Variants in STK40 observed in about 807,000 individuals in gnomAD.
The protein encoded by STK40 is serine/threonine-protein kinase 40.
Under a neutral mutation model 47.9 loss-of-function variants are expected in STK40, and 13 were observed. The observed-to-expected ratio is 0.27, with a 90% CI of 0.18 to 0.43. The LOEUF is 0.43. Ranked by LOEUF, STK40 falls within the 20% of genes least tolerant of loss-of-function variation. The pLI is 1.00. For synonymous variants in STK40, 225 were observed against 243.2 expected, an observed-to-expected ratio of 0.93 and a Z score of 0.69; for missense variants, 460 against 595.1, an observed-to-expected ratio of 0.77 and a Z score of 2.36.
chr1:36,380,154 G>A (rs556345426), intron 1 of STK40, among the ~76,000 whole-genome samples: 31 of 152,282 alleles, frequency 2.0e-4, no homozygotes, highest in African/African-American at 7.2e-4. Flanking sequence ...GAGGATATGC[G>A]GGGGCTGCTG....
chr1:36,382,541 A>G (rs1647049029), intron 1 of STK40, among the ~76,000 whole-genome samples: 1 of 152,192 alleles, frequency 6.6e-6, no homozygotes, highest in African/African-American at 2.4e-5. Context: ...TTTTAAAAAT[A>G]GTTCTTTTAA....
At chr1:36,385,525 C>T (rs1410339933) in intron 1 of STK40, among the ~76,000 whole-genome samples, 198 bp downstream of exon 1, 3 of 152,156 alleles carry the variant, frequency 2.0e-5, no homozygotes, top group African/African-American at 7.2e-5. Flanking sequence ...TCCCGGTACC[C>T]GGCGCGAGGC....
At chr1:36,361,582 C>T (rs201599234) in intron 1 of STK40, among the ~76,000 whole-genome samples, 3 of 152,268 alleles carry the variant, frequency 2.0e-5, no homozygotes, top group East Asian at 3.9e-4. Context: ...GGTACAGAGG[C>T]GGGGAGCCAA....
intron 1 of STK40, among the ~76,000 whole-genome samples, chr1:36,368,992 T>C (rs1000289634): frequency 6.6e-6 from 1 of 152,120 alleles, no homozygotes; most frequent in Non-Finnish European, 1.5e-5. Flanking sequence ...CTCGAATAGC[T>C]CCCAAGACCT....
At chr1:36,364,650 T>C (rs1557517631) in intron 1 of STK40, among the ~76,000 whole-genome samples, 1 of 151,974 alleles carries the variant, frequency 6.6e-6, no homozygotes, top group Non-Finnish European at 1.5e-5. Context: ...TTTTTTTTAA[T>C]TAAAAAAATA....
At chr1:36,359,243 C>T (rs753239169) in intron 2 of STK40, among the ~76,000 whole-genome samples, 4 of 151,820 alleles carry the variant, frequency 2.6e-5, no homozygotes, top group Non-Finnish European at 4.4e-5. Context: ...TTCTTCTCTA[C>T]AAAAAATAAA....
intron 7 of STK40, among the ~76,000 whole-genome samples, chr1:36,345,991 A>ATATATATATATTTTTTTT: frequency 1.1e-4 from 3 of 26,464 alleles, no homozygotes; most frequent in Admixed American, 6.5e-4. Context: ...ATATATATAT[A>ATATATATATATTTTTTTT]TTTTTTTTTT....
intron 10 of STK40, 91 bp downstream of exon 10, chr1:36,343,273 G>C (rs774612691): frequency 1.3e-5 from 18 of 1,361,532 alleles, no homozygotes; most frequent in Non-Finnish European, 1.6e-5. Context: ...TGTGGCCTGC[G>C]GGTAGCTGCC....
At chr1:36,342,270 G>A (rs1434042620) in intron 10 of STK40, 2 of 424,082 alleles carry the variant, frequency 4.7e-6, no homozygotes, top group African/African-American at 4.0e-5. Flanking sequence ...AGCCTTAGCT[G>A]TCTGGCCCCT....
chr1:36,363,846 G>A (rs1314640397), intron 1 of STK40, among the ~76,000 whole-genome samples: 3 of 144,276 alleles, frequency 2.1e-5, no homozygotes, highest in Non-Finnish European at 4.5e-5. Context: ...TAATAGTCAC[G>A]CACATACAAG....
intron 2 of STK40, among the ~76,000 whole-genome samples, chr1:36,359,510 AC>A (rs1646833697): frequency 6.6e-6 from 1 of 152,242 alleles, no homozygotes; most frequent in Non-Finnish European, 1.5e-5. Context: ...AGATTCTGAT[AC>A]AGCCATCTGG....
At chr1:36,361,486 G>A (rs946374102) in intron 1 of STK40, 146 bp from the exon 2 acceptor site, 1 of 1,415,200 alleles carries the variant, frequency 7.1e-7, no homozygotes, top group African/African-American at 1.4e-5. Context: ...GAGCATCCAA[G>A]GCTCCAAGTG....
At chr1:36,344,620 GCTC>G (rs1646684474) in intron 7 of STK40, among the ~76,000 whole-genome samples, 1 of 152,150 alleles carries the variant, frequency 6.6e-6, no homozygotes, top group Non-Finnish European at 1.5e-5. Context: ...TGAGCTGGCC[GCTC>G]CTCCTGTCAC....
intron 4 of STK40, among the ~76,000 whole-genome samples, chr1:36,357,362 C>T (rs1224410152): frequency 2.0e-5 from 3 of 152,196 alleles, no homozygotes; most frequent in South Asian, 4.1e-4. Flanking sequence ...GGCCAGCAAA[C>T]GGCTGAGGGC....
At chr1:36,343,171 A>AC in intron 10 of STK40, 193 bp downstream of exon 10, 1 of 728,990 alleles carries the variant, frequency 1.4e-6, no homozygotes, top group East Asian at 2.7e-5. Flanking sequence ...CTCCAGCTAC[A>AC]CCAAGCCCAA....
intron 7 of STK40, among the ~76,000 whole-genome samples, chr1:36,345,991 A>ATCTTTTTTTTTTTT: frequency 3.8e-5 from 1 of 26,468 alleles, no homozygotes; most frequent in Non-Finnish European, 6.9e-5. Context: ...ATATATATAT[A>ATCTTTTTTTTTTTT]TTTTTTTTTT....
chr1:36,374,574 C>G (rs545300638), intron 1 of STK40, among the ~76,000 whole-genome samples: 2 of 152,340 alleles, frequency 1.3e-5, no homozygotes, highest in East Asian at 3.9e-4. Flanking sequence ...CCGGAAGCAG[C>G]TGATGTGACA....
At chr1:36,362,132 G>A (rs1038247412) in intron 1 of STK40, among the ~76,000 whole-genome samples, 4 of 152,160 alleles carry the variant, frequency 2.6e-5, no homozygotes, top group African/African-American at 4.8e-5. Flanking sequence ...ATCCTCCTGC[G>A]TAAAAATGAA....
chr1:36,381,293 C>G (rs779223751), intron 1 of STK40, among the ~76,000 whole-genome samples: 3 of 152,228 alleles, frequency 2.0e-5, no homozygotes, highest in Non-Finnish European at 2.9e-5. Flanking sequence ...ATTCAAGCAT[C>G]TGCGCCCTAG....
Sources: allele counts gnomAD v4.1 joint callset (sites outside exome capture counted in the v4.1 genomes callset), GRCh38; gene constraint gnomAD v4.1.1; transcripts MANE v1.5; gene names NCBI Gene and HGNC (gene_info 2026-07-23, HGNC 2026-07-21).